U2AF2: variants seen among roughly 807,000 people sequenced by gnomAD.
U2AF2 encodes splicing factor U2AF 65 kDa subunit.
U2AF2 carries 6 observed loss-of-function variants against 52.6 expected under a neutral mutation model. The observed-to-expected ratio is 0.11, with a 90% CI of 0.06 to 0.23. The LOEUF is 0.23. Among genes scored for constraint, U2AF2 ranks in the 10% least tolerant of loss-of-function variants. The pLI is 1.00. For missense variants in U2AF2, 222 were observed against 677.1 expected (o/e 0.33, Z 7.46); for synonymous variants, 284 against 258.2 (o/e 1.10, Z -0.96).
intron 5 of U2AF2, 71 bp downstream of exon 5, chr19:55,661,260 C>T: frequency 7.1e-7 from 1 of 1,405,506 alleles, no homozygotes; most frequent in Non-Finnish European, 9.4e-7. Flanking sequence ...CCTCCATTCC[C>T]TTTCCCCAAC....
At position 55,674,242 on chromosome 19, in the gene U2AF2, G is replaced by C. The variant is rs1600088475; in HGVS notation, c.*174G>C. On this transcript the variant is annotated 3_prime_UTR_variant, in exon 12 of 12. Transcript: ENST00000308924. ...GGTGGGGGGCGGGGGTTGGGGGGTT[G>C]GGGGGTTAGGGCAGGGAGGGGACTG... 1 of 455,616 alleles carries C rather than the reference G, an allele frequency of 2.2e-6. No homozygotes were observed. The highest frequency in any genetic ancestry group is 4.4e-5 in the Admixed American group (1 of 22,960). 28.2% of individuals were successfully genotyped at this position (455,616 alleles called of 1,614,324 possible).
chr19:55,659,162 G>T (rs199939220), intron 1 of U2AF2, 48 bp from the exon 2 acceptor site: 2 of 1,473,778 alleles, frequency 1.4e-6, no homozygotes, highest in Non-Finnish European at 1.8e-6. Context: ...GGCTGGGCCC[G>T]CATCCTTACT....
At chr19:55,664,304 T>C (rs915702011) in intron 7 of U2AF2, among the ~76,000 whole-genome samples, 14 of 152,344 alleles carry the variant, frequency 9.2e-5, no homozygotes, top group Non-Finnish European at 1.9e-4. Flanking sequence ...CCGGACGGTG[T>C]CTGCGTGCGT....
At chr19:55,673,873 G>T in intron 11 of U2AF2, 61 bp from the exon 12 acceptor site, 1 of 1,560,810 alleles carries the variant, frequency 6.4e-7, no homozygotes, top group Non-Finnish European at 8.7e-7. Context: ...GGGTTGGGTG[G>T]ACGCTGACTG....
chr19:55,660,687 C>T lies in U2AF2; in HGVS notation c.334+68C>T, dbSNP rs1291447484. 18 of 1,441,834 alleles carry T rather than the reference C, an allele frequency of 1.2e-5. No homozygotes were observed. In the Admixed American group the frequency reaches 3.2e-4, roughly 26 times the overall value. The allele number at this position is 1,441,834 out of a possible 1,614,324, so 89.3% of individuals were successfully genotyped here. On this transcript the variant is annotated intron_variant, in intron 4 of 11. Transcript: ENST00000308924. ...GGGTTGGGATTCTCCGTCAGTCATTCCCCTGCGTGTGTGCTTGGAGGGGGT... is the reference window on the plus strand; with the variant it reads ...GGGTTGGGATTCTCCGTCAGTCATTTCCCTGCGTGTGTGCTTGGAGGGGGT...
At chr19:55,660,262 C>T (rs372966368) in intron 3 of U2AF2, 41 bp downstream of exon 3, 360 of 1,602,566 alleles carry the variant, frequency 2.2e-4, no homozygotes, top group Non-Finnish European at 2.9e-4. Context: ...GATGTCCACT[C>T]CCTTCACCTT....
intron 2 of U2AF2, among the ~76,000 whole-genome samples, 196 bp from the exon 3 acceptor site, chr19:55,659,981 C>T (rs1366348222): frequency 2.0e-5 from 3 of 151,992 alleles, no homozygotes; most frequent in African/African-American, 7.3e-5. Flanking sequence ...GCCCCTTTCT[C>T]CTTTCCTCAC....
intron 11 of U2AF2, 56 bp downstream of exon 11, chr19:55,669,748 G>C (rs146566743): frequency 4.0e-6 from 6 of 1,516,154 alleles, no homozygotes; most frequent in Non-Finnish European, 5.3e-6. Flanking sequence ...TCTTCTCCGC[G>C]CCCTCTTTCT....
rs952449701 is a variant in U2AF2, at chr19:55,674,123, G to GC, written c.*63dup. 839 of 1,436,360 alleles carry GC rather than the reference G, an allele frequency of 5.8e-4. No individual in the cohort carries two copies. Among genetic ancestry groups the GC allele is most frequent in the Non-Finnish European group, 6.3e-4 (672 of 1,071,884 alleles). The allele number at this position is 1,436,360 out of a possible 1,614,324, so 89.0% of individuals were successfully genotyped here. A position where few individuals can be genotyped will look rare whatever the true frequency, so the allele number is the denominator to read the frequency against. ...TGGCTGGGGGCTTCTCCCCACTCCCGCCCCCCCCTTATCCCCCTCTGAAGA... is the reference window on the plus strand; with the variant it reads ...TGGCTGGGGGCTTCTCCCCACTCCCGCCCCCCCCCTTATCCCCCTCTGAAGA... On this transcript the variant is annotated 3_prime_UTR_variant, in exon 12 of 12. Coordinates refer to ENST00000308924, the MANE Select transcript of U2AF2 (RefSeq NM_007279.3).
At chr19:55,663,540 TG>T (rs1984353397) in intron 6 of U2AF2, 65 bp from the exon 7 acceptor site, 1 of 1,553,716 alleles carries the variant, frequency 6.4e-7, no homozygotes, top group South Asian at 1.2e-5. Flanking sequence ...ATCCCAATCC[TG>T]GAACACTAGG....
Position 55,659,021 on chromosome 19 carries a change from CTGGTCCCCTCA to C in U2AF2, c.50-181_50-171del, listed in dbSNP as rs1373212660. On this transcript the variant is annotated intron_variant, in intron 1 of 11. Transcript: ENST00000308924. Reference sequence around the variant, plus strand: ...GGGGGCATTTCCAGGCCCCGTCCCCCTGGTCCCCTCATGGTCCCTGGACTCGCTTGTGGACC... The same window carrying C: ...GGGGGCATTTCCAGGCCCCGTCCCCCTGGTCCCTGGACTCGCTTGTGGACC... 7.1e-4 allele frequency: 642 copies of C among 904,570 alleles called. 4 individuals are homozygous for C. The highest frequency in any genetic ancestry group is 2.1e-4 in the Non-Finnish European group (140 of 672,866). The allele number at this position is 904,570 out of a possible 1,614,324, so 56.0% of individuals were successfully genotyped here.
Position 55,668,621 on chromosome 19 carries a change from C to T in U2AF2, c.822+35C>T, listed in dbSNP as rs78693809. ...CTGCCTCCCTCCAGACCCGTCCCCCCACCCCGCCCCACCTCATCCCAGCCC... is the reference window on the plus strand; with the variant it reads ...CTGCCTCCCTCCAGACCCGTCCCCCTACCCCGCCCCACCTCATCCCAGCCC... On this transcript the variant is annotated intron_variant, in intron 8 of 11. Transcript: ENST00000308924. The surrounding 1 kb of genome is among the most constrained non-coding windows in gnomAD (Gnocchi z 5.5). 632 of 1,596,626 alleles carry T rather than the reference C, an allele frequency of 4.0e-4. 4 individuals are homozygous for T. In the African/African-American group the frequency reaches 7.1e-3, roughly 18 times the overall value.
intron 5 of U2AF2, 191 bp from the exon 6 acceptor site, chr19:55,662,311 C>T: frequency 2.1e-6 from 1 of 468,210 alleles, no homozygotes; most frequent in South Asian, 3.6e-5. Flanking sequence ...CCCATTTTCT[C>T]TCTTGCTTCT....
chr19:55,673,865 G>T, intron 11 of U2AF2, 69 bp from the exon 12 acceptor site: 1 of 1,553,110 alleles, frequency 6.4e-7, no homozygotes, highest in Non-Finnish European at 8.7e-7. Context: ...CAGTGCTGGG[G>T]TTGGGTGGAC....
chr19:55,663,449 A>G (rs1201432794), intron 6 of U2AF2, among the ~76,000 whole-genome samples, 157 bp from the exon 7 acceptor site: 1 of 152,148 alleles, frequency 6.6e-6, no homozygotes, highest in African/African-American at 2.4e-5. Context: ...CAGCAGGGAC[A>G]TGCGTGTCTG....
intron 7 of U2AF2, among the ~76,000 whole-genome samples, chr19:55,664,798 T>A (rs1365616994): frequency 1.3e-5 from 2 of 152,150 alleles, no homozygotes; most frequent in Admixed American, 6.5e-5. Context: ...GCTTACTGCA[T>A]CCTCCGCCTC....
intron 2 of U2AF2, among the ~76,000 whole-genome samples, chr19:55,659,958 T>A (rs1984059040): frequency 6.6e-6 from 1 of 152,190 alleles, no homozygotes; most frequent in South Asian, 2.1e-4. Flanking sequence ...AGACTGGTCC[T>A]TCCTGGCCCC....
intron 1 of U2AF2, among the ~76,000 whole-genome samples, chr19:55,657,712 T>G (rs1307432043): frequency 1.3e-5 from 2 of 152,208 alleles, no homozygotes; most frequent in Non-Finnish European, 2.9e-5. Flanking sequence ...AATTATATTG[T>G]CATTAATGGT....
chr19:55,659,257 C>G lies in U2AF2; in HGVS notation c.97C>G (p.Arg33Gly). The G allele has an allele frequency of 6.2e-7, 1 of 1,603,322 alleles. No individual in the cohort carries two copies. Among genetic ancestry groups the G allele is most frequent in the Non-Finnish European group, 8.5e-7 (1 of 1,174,274 alleles). The change falls in exon 2 of 12, where the codon CGG (arginine) becomes GGG (glycine). Residue 33 changes from arginine to glycine, a missense_variant. By Grantham distance (125) the Arg-to-Gly change is moderately radical. This residue lies in a region of U2AF2 where 100 missense variants were observed against 144.1 expected (regional missense o/e 0.69). Coordinates refer to ENST00000308924, the MANE Select transcript of U2AF2 (RefSeq NM_007279.3). ...RHRKRSHSRSRSRDRKRRSRS... is the reference protein window; with the variant it reads ...RHRKRSHSRSGSRDRKRRSRS... ...TCGGAAGCGCAGCCACAGCCGCTCT[C>G]GGAGCCGGGACCGCAAACGCCGGAG...
Sources: gnomAD v4.1 joint callset for allele counts (sites outside exome capture counted in the v4.1 genomes callset) on GRCh38, gnomAD v4.1.1 for gene constraint, gnomAD v4.1.1 regional missense constraint, Gnocchi (gnomAD v3.1) non-coding constraint, MANE v1.5 for transcripts, NCBI Gene and HGNC (gene_info 2026-07-23, HGNC 2026-07-21) for gene names.